EGFR: variants seen among roughly 807,000 people sequenced by gnomAD.
EGFR encodes the protein avian erythroblastic leukemia viral (v-erb-b) oncogene homolog.
Under a neutral mutation model 143.0 loss-of-function variants are expected in EGFR, and 58 were observed. The ratio of observed to expected loss-of-function variants is 0.41; its 90% CI spans 0.33 to 0.50. The LOEUF is 0.50. Ranked by LOEUF, EGFR falls within the 20% of genes least tolerant of loss-of-function variation. The pLI is 0.39. For synonymous variants in EGFR, 613 were observed against 594.4 expected, an observed-to-expected ratio of 1.03 and a Z score of -0.45; for missense variants, 1,307 against 1,579.0, an observed-to-expected ratio of 0.83 and a Z score of 2.92.
At chr7:55,204,516 T>TATACA (rs1788019563) in intron 27 of EGFR, among the ~76,000 whole-genome samples, 1 of 104,444 alleles carries the variant, frequency 9.6e-6, no homozygotes, top group African/African-American at 4.0e-5. Context: ...CACACAAACA[T>TATACA]ATACACCCCA....
intron 1 of EGFR, among the ~76,000 whole-genome samples, chr7:55,022,270 C>A (rs7787739): frequency 0.028 from 4,223 of 152,214 alleles, 102 homozygotes; most frequent in African/African-American, 0.062. Context: ...CAAGGCGAGT[C>A]GAATTCCCAA....
intron 1 of EGFR, among the ~76,000 whole-genome samples, chr7:55,047,312 A>T (rs993558209): frequency 6.6e-6 from 1 of 152,246 alleles, no homozygotes; most frequent in Non-Finnish European, 1.5e-5. Context: ...AGTTTAGAGG[A>T]CGAAGCATTA....
intron 22 of EGFR, among the ~76,000 whole-genome samples, chr7:55,196,705 A>G (rs1412159275): frequency 1.3e-5 from 2 of 151,824 alleles, no homozygotes; most frequent in Non-Finnish European, 2.9e-5. Context: ...TGTATGGTGT[A>G]AGGAAGGAGT....
At chr7:55,026,426 C>T (rs1786888978) in intron 1 of EGFR, among the ~76,000 whole-genome samples, 1 of 152,214 alleles carries the variant, frequency 6.6e-6, no homozygotes, top group South Asian at 2.1e-4. Context: ...GCAGGAGCAT[C>T]GCCATCTTGG....
At chr7:55,064,167 GT>G (rs1488486013) in intron 1 of EGFR, among the ~76,000 whole-genome samples, 2 of 152,102 alleles carry the variant, frequency 1.3e-5, no homozygotes, top group African/African-American at 4.8e-5. Flanking sequence ...AATACCTGCA[GT>G]TTATATGCAA....
chr7:55,034,492 T>C (rs1223542748), intron 1 of EGFR, among the ~76,000 whole-genome samples: 1 of 152,192 alleles, frequency 6.6e-6, no homozygotes, highest in Non-Finnish European at 1.5e-5. Context: ...CTGCAGGAAT[T>C]GCTTGATTCA....
At chr7:55,150,973 C>G (rs1785121033) in intron 4 of EGFR, among the ~76,000 whole-genome samples, 1 of 152,172 alleles carries the variant, frequency 6.6e-6, no homozygotes, top group Admixed American at 6.5e-5. Context: ...GCAGGAGATG[C>G]CAGGGAATGC....
intron 1 of EGFR, among the ~76,000 whole-genome samples, chr7:55,128,070 C>T (rs1043916238): frequency 1.3e-5 from 2 of 152,210 alleles, no homozygotes; most frequent in Non-Finnish European, 2.9e-5. Flanking sequence ...TGGATTGGTG[C>T]TTAGACCTAT....
intron 1 of EGFR, among the ~76,000 whole-genome samples, chr7:55,073,772 AC>A (rs1789974667): frequency 6.6e-6 from 1 of 152,132 alleles, no homozygotes. Flanking sequence ...AGCTCTTCTG[AC>A]CTTATCAGCG....
intron 10 of EGFR, 76 bp from the exon 11 acceptor site, chr7:55,157,587 G>A (rs1211484568): frequency 8.5e-7 from 1 of 1,172,482 alleles, no homozygotes; most frequent in East Asian, 2.3e-5. Context: ...GAGTCCCTGA[G>A]AGTCTAGAGT....
At chr7:55,116,469 G>C (rs1021079357) in intron 1 of EGFR, among the ~76,000 whole-genome samples, 1 of 152,216 alleles carries the variant, frequency 6.6e-6, no homozygotes, top group East Asian at 1.9e-4. Flanking sequence ...GCTTTGCTCA[G>C]AGGGAGCAGC....
intron 1 of EGFR, among the ~76,000 whole-genome samples, chr7:55,123,644 G>T (rs186699495): frequency 3.3e-5 from 5 of 152,194 alleles, no homozygotes; most frequent in African/African-American, 1.2e-4. Flanking sequence ...ATTGCATGAG[G>T]CTTTGCAAGA....
At position 55,076,115 on chromosome 7, in the gene EGFR, T is replaced by C. The variant is rs1790119204; in HGVS notation, c.88+56750T>C. 9.8e-5 allele frequency among the ~76,000 whole-genome samples: 15 copies of C among 152,360 alleles called. No homozygotes were observed. The South Asian group carries it at 2.9e-3, about 29-fold the overall frequency. On this transcript the variant is annotated intron_variant, in intron 1 of 27. Coordinates refer to ENST00000275493, the MANE Select transcript of EGFR (RefSeq NM_005228.5). ...TTTGGGATACTGGTATGGTTTATTATAACATTCTGTTAGTAGTGTTGTACA... is the reference window on the plus strand; with the variant it reads ...TTTGGGATACTGGTATGGTTTATTACAACATTCTGTTAGTAGTGTTGTACA...
intron 4 of EGFR, 42 bp downstream of exon 4, chr7:55,146,782 G>A (rs2128929754): frequency 6.2e-7 from 1 of 1,613,464 alleles, no homozygotes; most frequent in Non-Finnish European, 8.5e-7. Flanking sequence ...CAGCTCCTAT[G>A]GGGGACAGCT....
chr7:55,188,221 C>T (rs1787227911), intron 20 of EGFR, among the ~76,000 whole-genome samples: 1 of 152,238 alleles, frequency 6.6e-6, no homozygotes. Context: ...TCCTCCACTT[C>T]CTTCCTAAGT....
chr7:55,116,514 A>G (rs1313703958), intron 1 of EGFR, among the ~76,000 whole-genome samples: 2 of 147,588 alleles, frequency 1.4e-5, no homozygotes. Flanking sequence ...TTTCAAGTAT[A>G]ACTAAATTCA....
chr7:55,100,957 C>T (rs1029603758), intron 1 of EGFR, among the ~76,000 whole-genome samples: 4 of 152,258 alleles, frequency 2.6e-5, no homozygotes, highest in Non-Finnish European at 4.4e-5. Context: ...CCAGTGTCGG[C>T]GTCCCTGCCT....
intron 1 of EGFR, among the ~76,000 whole-genome samples, chr7:55,137,295 A>G (rs1794198177): frequency 6.6e-6 from 1 of 152,246 alleles, no homozygotes; most frequent in East Asian, 1.9e-4. Context: ...CCTTTAATGC[A>G]TAGCTAAGAA....
At chr7:55,089,373 C>T (rs1790965713) in intron 1 of EGFR, among the ~76,000 whole-genome samples, 1 of 152,122 alleles carries the variant, frequency 6.6e-6, no homozygotes, top group Non-Finnish European at 1.5e-5. Context: ...GCAGAGGGTG[C>T]CATTCAAATA....
Sources: gnomAD v4.1 joint callset for allele counts (sites outside exome capture counted in the v4.1 genomes callset) on GRCh38, gnomAD v4.1.1 for gene constraint, MANE v1.5 for transcripts, NCBI Gene and HGNC (gene_info 2026-07-23, HGNC 2026-07-21) for gene names.